TLR3: variants seen among roughly 807,000 people sequenced by gnomAD.
The protein encoded by TLR3 is toll-like receptor 3.
In TLR3, 43 loss-of-function variants were observed where a neutral mutation model predicts 66.4. That is an observed-to-expected ratio of 0.65 (90% CI 0.51 to 0.83). The LOEUF is 0.83. TLR3 is among the 40% of genes least tolerant of loss of function. The pLI is 0.00. For missense variants in TLR3, 982 were observed against 1,044.6 expected (o/e 0.94, Z 0.83); for synonymous variants, 397 against 397.2 (o/e 1.00, Z 0.01).
Position 186,083,319 on chromosome 4 carries a change from C to T in TLR3, c.1633C>T (p.Leu545Phe), listed in dbSNP as rs1345485041. 1 of 1,614,188 alleles carries T rather than the reference C, an allele frequency of 6.2e-7. No individual in the cohort carries two copies. The highest frequency in any genetic ancestry group is 1.1e-5 in the South Asian group (1 of 91,078). Residue 545 changes from leucine to phenylalanine, a missense_variant, in exon 4 of 5, where the codon CTC becomes TTC. This residue lies in a region of TLR3 where 666 missense variants were observed against 709.0 expected (regional missense o/e 0.94). Coordinates refer to ENST00000296795, the MANE Select transcript of TLR3 (RefSeq NM_003265.3). The surrounding 1 kb of genome is among the most constrained non-coding windows in gnomAD (Gnocchi z 4.0). ...LDLQHNNLARLWKHANPGGPI... is the reference protein window; with the variant it reads ...LDLQHNNLARFWKHANPGGPI... The stretch of plus-strand genomic sequence containing the variant: ...TTTGCAGCATAACAACTTAGCACGG[C>T]TCTGGAAACACGCAAACCCTGGTGG...
intron 3 of TLR3, chr4:186,082,088 G>A: frequency 1.9e-6 from 1 of 534,052 alleles, no homozygotes; most frequent in Non-Finnish European, 3.3e-6. Flanking sequence ...AGCTGGACGT[G>A]GTGGCGCATG....
At position 186,083,528 on chromosome 4, in the gene TLR3, A is replaced by G. The variant is rs2099303879; in HGVS notation, c.1842A>G (p.Ser614=). ...TTAATAATCAGGTGTCTCTAAAGTC[A>G]TTGAACCTTCAGAAGAATCTCATAA... is the stretch of plus-strand genomic sequence containing the variant. ...SVFNNQVSLK[S]LNLQKNLITS... is the part of the protein sequence containing the mutation. Residue 614 remains serine, a synonymous_variant, in exon 4 of 5, where the codon TCA becomes TCG. Coordinates refer to ENST00000296795, the MANE Select transcript of TLR3 (RefSeq NM_003265.3). The surrounding 1 kb of genome is among the most constrained non-coding windows in gnomAD (Gnocchi z 4.0). The G allele has an allele frequency of 6.2e-7, 1 of 1,611,326 alleles. No homozygotes were observed.
intron 1 of TLR3, among the ~76,000 whole-genome samples, chr4:186,074,368 T>C (rs2099302045): frequency 6.6e-6 from 1 of 152,204 alleles, no homozygotes; most frequent in African/African-American, 2.4e-5. Flanking sequence ...CTGGAGGCAA[T>C]TGTAACACAA....
rs757464669 is a variant in TLR3, at chr4:186,082,339, A to G, written c.653A>G (p.His218Arg). 1 of 1,603,794 alleles carries G rather than the reference A, an allele frequency of 6.2e-7. No individual in the cohort carries two copies. The highest frequency in any genetic ancestry group is 8.5e-7 in the Non-Finnish European group (1 of 1,175,360). Residue 218 changes from histidine to arginine, a missense_variant, in exon 4 of 5, where the codon CAC becomes CGC. Coordinates refer to ENST00000296795, the MANE Select transcript of TLR3 (RefSeq NM_003265.3). ...QIKEFSPGCF[H>R]AIGRLFGLFL... ...CTTTAGTTTTCTCCAGGGTGTTTTCACGCAATTGGAAGATTATTTGGCCTC... is the reference window on the plus strand; with the variant it reads ...CTTTAGTTTTCTCCAGGGTGTTTTCGCGCAATTGGAAGATTATTTGGCCTC...
intron 1 of TLR3, among the ~76,000 whole-genome samples, chr4:186,075,022 A>G (rs1404429388): frequency 2.0e-5 from 3 of 152,122 alleles, no homozygotes; most frequent in Non-Finnish European, 4.4e-5. Flanking sequence ...AGGCTGTTTT[A>G]CAGTTAACTT....
rs2099304644 is a variant in TLR3, at chr4:186,087,963, T to C, written c.*3090T>C. ...TGGGTTATGGTAATAATTGTACAAC[T>C]ATGTAAATTTACTGAAAGTCATTGA... is the stretch of plus-strand genomic sequence containing the variant. On this transcript the variant is annotated 3_prime_UTR_variant, in exon 5 of 5. Transcript: ENST00000296795. 1 of 152,218 alleles carries C rather than the reference T, an allele frequency of 6.6e-6. No individual in the cohort carries two copies. Among genetic ancestry groups the C allele is most frequent in the Non-Finnish European group, 1.5e-5 (1 of 68,042 alleles). 9.4% of individuals were successfully genotyped at this position (152,218 alleles called of 1,614,324 possible).
chr4:186,084,218 T>G, intron 4 of TLR3, 46 bp downstream of exon 4: 3 of 1,550,628 alleles, frequency 1.9e-6, no homozygotes, highest in Non-Finnish European at 2.6e-6. Context: ...GCTTTTCAAT[T>G]AAATTTCTTT....
chr4:186,074,797 T>C (rs2099302176), intron 1 of TLR3, among the ~76,000 whole-genome samples: 1 of 152,160 alleles, frequency 6.6e-6, no homozygotes, highest in Non-Finnish European at 1.5e-5. Flanking sequence ...TTAATTTTCT[T>C]CTTTTTTTTT....
chr4:186,076,968 A>G lies in TLR3; in HGVS notation c.349A>G (p.Lys117Glu). The G allele has an allele frequency of 6.2e-7, 1 of 1,614,216 alleles. No individual in the cohort carries two copies. Among genetic ancestry groups the G allele is most frequent in the Non-Finnish European group, 8.5e-7 (1 of 1,180,044 alleles). ...CAATGAGCTATCTCAACTTTCTGAT[A>G]AAACCTTTGCCTTCTGCACGAATTT... The part of the protein sequence containing the change: ...QHNELSQLSD[K>E]TFAFCTNLTE... Residue 117 changes from lysine (K) to glutamate (E), a missense_variant, in exon 2 of 5, where the codon AAA (lysine) becomes GAA (glutamate). By Grantham distance (56) the Lys-to-Glu change is moderately conservative (BLOSUM62 1). Transcript: ENST00000296795.
At chr4:186,078,521 A>G (rs6817329) in intron 2 of TLR3, among the ~76,000 whole-genome samples, 50,366 of 152,044 alleles carry the variant, frequency 0.33, 8,491 homozygotes, top group East Asian at 0.44. Flanking sequence ...TATGATAAAT[A>G]AGTTCATAAA....
chr4:186,078,975 A>C lies in TLR3; in HGVS notation c.577A>C (p.Ile193Leu). Reference sequence around the variant, plus strand: ...AGCGCTAAAAAGTGAAGAACTGGATATCTTTGCCAATTCATCTTTAAAAAA... The same window carrying C: ...AGCGCTAAAAAGTGAAGAACTGGATCTCTTTGCCAATTCATCTTTAAAAAA... ...IQALKSEELD[I>L]FANSSLKKLE... The change falls in exon 3 of 5, where the codon ATC becomes CTC. Residue 193 changes from isoleucine (I) to leucine (L), a missense_variant. Physicochemically the swap from Ile to Leu is conservative, Grantham distance 5. Transcript: ENST00000296795. The C allele has an allele frequency of 1.2e-6, 2 of 1,613,974 alleles. No homozygotes were observed. Among genetic ancestry groups the C allele is most frequent in the Middle Eastern group, 3.3e-4 (2 of 6,060 alleles).
chr4:186,079,181 C>A, intron 3 of TLR3, 150 bp downstream of exon 3: 1 of 771,070 alleles, frequency 1.3e-6, no homozygotes, highest in Non-Finnish European at 2.1e-6. Context: ...TGGTGTCATC[C>A]TCCTGAGAGC....
chr4:186,077,910 A>G (rs1275183200), intron 2 of TLR3, among the ~76,000 whole-genome samples: 1 of 152,182 alleles, frequency 6.6e-6, no homozygotes, highest in Admixed American at 6.5e-5. Context: ...GCGATTTTCA[A>G]GTTACTTCAT....
intron 1 of TLR3, 68 bp from the exon 2 acceptor site, chr4:186,076,545 A>C: frequency 7.0e-7 from 1 of 1,419,874 alleles, no homozygotes; most frequent in South Asian, 1.1e-5. Context: ...TACAAGGAAT[A>C]TACCAATGCA....
At chr4:186,074,068 T>G (rs2150065698) in intron 1 of TLR3, among the ~76,000 whole-genome samples, 1 of 152,298 alleles carries the variant, frequency 6.6e-6, no homozygotes, top group South Asian at 2.1e-4. Flanking sequence ...GTACCAAATG[T>G]TGTCAGGAAA....
In TLR3 at chr4:186,076,866, G is replaced by A. The variant is rs750961101; in HGVS notation, c.247G>A (p.Gly83Arg). ...RYSQLTSLDV[G>R]FNTISKLEPE... ...TAGCCAGCTAACTAGCTTGGATGTA[G>A]GATTTAACACCATCTCAAAACTGGA... Residue 83 changes from glycine to arginine, a missense_variant, in exon 2 of 5, where the codon GGA (glycine) becomes AGA (arginine). Around this residue, in one of 3 missense-constraint regions of TLR3, gnomAD observed 313 missense variants for 319.0 expected, o/e 0.98. Transcript: ENST00000296795. 1 of 1,614,106 alleles carries A rather than the reference G, an allele frequency of 6.2e-7. No individual in the cohort carries two copies. Among genetic ancestry groups the A allele is most frequent in the Admixed American group, 1.7e-5 (1 of 60,020 alleles).
Position 186,086,217 on chromosome 4 carries a change from G to A in TLR3, c.*1344G>A, listed in dbSNP as rs1441344745. On this transcript the variant is annotated 3_prime_UTR_variant, in exon 5 of 5. Transcript: ENST00000296795. Reference sequence around the variant, plus strand: ...AAATTTTTAGTTTTACAATAAAAGAGAATCTGATTATTGGAAATAGACCTG... The same window carrying A: ...AAATTTTTAGTTTTACAATAAAAGAAAATCTGATTATTGGAAATAGACCTG... 6.6e-6 allele frequency: 1 copy of A among 152,176 alleles called. No homozygotes were observed. Among genetic ancestry groups the A allele is most frequent in the Non-Finnish European group, 1.5e-5 (1 of 68,026 alleles). The allele number at this position is 152,176 out of a possible 1,614,324, so 9.4% of individuals were successfully genotyped here.
In TLR3 at chr4:186,079,007, G is replaced by C. The variant is rs761510234; in HGVS notation, c.609G>C (p.Glu203Asp). The change falls in exon 3 of 5, where the codon GAG becomes GAC. Residue 203 changes from glutamate to aspartate, a missense_variant. Glu to Asp is a conservative substitution (Grantham distance 45). Around this residue, in one of 3 missense-constraint regions of TLR3, gnomAD observed 313 missense variants for 319.0 expected, o/e 0.98. Transcript: ENST00000296795. ...CCAATTCATCTTTAAAAAAATTAGA[G>C]TTGTCATCGAATCAAATTAAAGAGG... Reference protein sequence around the residue: ...IFANSSLKKLELSSNQIKEFS... With the variant: ...IFANSSLKKLDLSSNQIKEFS... 2 of 1,613,638 alleles carry C rather than the reference G, an allele frequency of 1.2e-6. No individual in the cohort carries two copies. The highest frequency in any genetic ancestry group is 1.3e-5 in the African/African-American group (1 of 74,898).
intron 2 of TLR3, 94 bp downstream of exon 2, chr4:186,077,154 A>C: frequency 7.6e-7 from 1 of 1,313,862 alleles, no homozygotes; most frequent in Admixed American, 2.3e-5. Flanking sequence ...AAGAGGAAGA[A>C]ATTTGATCTA....
Sources: gnomAD v4.1 joint callset for allele counts (sites outside exome capture counted in the v4.1 genomes callset) on GRCh38, gnomAD v4.1.1 for gene constraint, gnomAD v4.1.1 regional missense constraint, Gnocchi (gnomAD v3.1) non-coding constraint, MANE v1.5 for transcripts, NCBI Gene and HGNC (gene_info 2026-07-23, HGNC 2026-07-21) for gene names.